Variants in TBCEL observed in about 807,000 individuals in gnomAD.
TBCEL encodes the protein tubulin-specific chaperone cofactor E-like protein.
TBCEL carries 15 observed loss-of-function variants against 44.2 expected under a neutral mutation model. That is an observed-to-expected ratio of 0.34 (90% CI 0.23 to 0.52). The LOEUF is 0.52. Among genes scored for constraint, TBCEL ranks in the 20% least tolerant of loss-of-function variants. The pLI, the probability that TBCEL is intolerant of heterozygous loss-of-function variation, is 0.95. For missense variants in TBCEL, 319 were observed against 506.3 expected, an observed-to-expected ratio of 0.63 and a Z score of 3.55; for synonymous variants, 171 against 185.4, an observed-to-expected ratio of 0.92 and a Z score of 0.63.
At chr11:121,054,310 G>A (rs1210868598) in intron 5 of TBCEL, among the ~76,000 whole-genome samples, 1 of 151,844 alleles carries the variant, frequency 6.6e-6, no homozygotes, top group Admixed American at 6.6e-5. Flanking sequence ...AATTCTCAAA[G>A]CCCTTTAGAA....
chr11:121,049,185 C>A (rs1329310696), intron 4 of TBCEL, among the ~76,000 whole-genome samples: 4 of 151,844 alleles, frequency 2.6e-5, no homozygotes, highest in Admixed American at 2.0e-4. Context: ...TTAATCAAGA[C>A]CTCTTGTTCC....
rs541095131 is a variant in TBCEL, at chr11:121,088,727, T to G, written c.*1631T>G. The G allele has an allele frequency of 5.3e-5, 8 of 152,322 alleles. No homozygotes were observed. The highest frequency in any genetic ancestry group is 1.2e-4 in the Non-Finnish European group (8 of 68,026). 9.4% of individuals were successfully genotyped at this position (152,322 alleles called of 1,614,324 possible). On this transcript the variant is annotated 3_prime_UTR_variant, in exon 9 of 9. Coordinates refer to ENST00000683345, the MANE Select transcript of TBCEL (RefSeq NM_001363644.2). ...GGAGTTGTGTTTATTAATGCTACTTTTTAAATTTTCCTGTGCCATGTGGCA... is the reference window on the plus strand; with the variant it reads ...GGAGTTGTGTTTATTAATGCTACTTGTTAAATTTTCCTGTGCCATGTGGCA...
intron 4 of TBCEL, among the ~76,000 whole-genome samples, chr11:121,053,350 T>C (rs1489982520): frequency 6.6e-6 from 1 of 151,926 alleles, no homozygotes; most frequent in African/African-American, 2.4e-5. Context: ...TATGCCACTA[T>C]TTCATTGAAA....
intron 8 of TBCEL, among the ~76,000 whole-genome samples, chr11:121,086,415 G>A (rs911137382): frequency 2.0e-5 from 3 of 152,164 alleles, no homozygotes; most frequent in African/African-American, 7.2e-5. Flanking sequence ...AGGGGTACAT[G>A]CCTAGATACC....
intron 8 of TBCEL, among the ~76,000 whole-genome samples, chr11:121,081,022 A>G (rs539589797): frequency 4.3e-4 from 66 of 151,966 alleles, no homozygotes; most frequent in African/African-American, 1.4e-3. Flanking sequence ...ATCACCTTCA[A>G]CCCCACACTG....
intron 8 of TBCEL, among the ~76,000 whole-genome samples, chr11:121,075,183 A>G (rs1327207664): frequency 6.6e-6 from 1 of 152,032 alleles, no homozygotes; most frequent in African/African-American, 2.4e-5. Context: ...AGAGATTGTG[A>G]TACTGGTCAC....
intron 8 of TBCEL, among the ~76,000 whole-genome samples, chr11:121,068,852 A>G (rs1387220991): frequency 2.0e-5 from 3 of 151,124 alleles, no homozygotes; most frequent in Non-Finnish European, 4.4e-5. Flanking sequence ...ACACCACTGC[A>G]CTGCAGCCTG....
chr11:121,069,984 GA>G (rs1945897112), intron 8 of TBCEL, among the ~76,000 whole-genome samples: 1 of 151,322 alleles, frequency 6.6e-6, no homozygotes, highest in South Asian at 2.1e-4. Flanking sequence ...TTTGTATATA[GA>G]AGAAGAAGCT....
intron 2 of TBCEL, among the ~76,000 whole-genome samples, chr11:121,040,336 A>C (rs576776797): frequency 6.6e-6 from 1 of 152,216 alleles, no homozygotes; most frequent in Non-Finnish European, 1.5e-5. Flanking sequence ...TAACTTGGCT[A>C]GCAAAGGAAA....
At chr11:121,079,905 C>G (rs1946094446) in intron 8 of TBCEL, among the ~76,000 whole-genome samples, 1 of 152,154 alleles carries the variant, frequency 6.6e-6, no homozygotes, top group African/African-American at 2.4e-5. Context: ...ACCTCCACCT[C>G]CCCGGTTCAA....
chr11:121,034,093 G>A (rs535053203), intron 1 of TBCEL, among the ~76,000 whole-genome samples: 1 of 151,990 alleles, frequency 6.6e-6, no homozygotes, highest in African/African-American at 2.4e-5. Context: ...TTTGACTCCT[G>A]CTTTTGATTC....
intron 4 of TBCEL, among the ~76,000 whole-genome samples, chr11:121,050,851 C>T (rs1945516426): frequency 6.6e-6 from 1 of 151,624 alleles, no homozygotes; most frequent in Non-Finnish European, 1.5e-5. Context: ...AGTTCATCTC[C>T]ATGTTTCTGC....
At chr11:121,058,314 G>A in intron 6 of TBCEL, 31 bp from the exon 7 acceptor site, 1 of 1,605,118 alleles carries the variant, frequency 6.2e-7, no homozygotes, top group Non-Finnish European at 8.5e-7. Context: ...TGCATCTCTG[G>A]ATTTACTTAA....
chr11:121,044,704 A>G (rs946673426), intron 2 of TBCEL, among the ~76,000 whole-genome samples: 1 of 152,064 alleles, frequency 6.6e-6, no homozygotes, highest in East Asian at 1.9e-4. Context: ...GTGTTGTTTA[A>G]TATTACCTGT....
intron 7 of TBCEL, among the ~76,000 whole-genome samples, chr11:121,059,654 C>T (rs765739477): frequency 1.3e-4 from 20 of 151,676 alleles, no homozygotes; most frequent in South Asian, 2.1e-4. Context: ...TTTAAAAATG[C>T]GGCCATTAAA....
chr11:121,068,877 G>C lies in TBCEL; in HGVS notation c.956+8792G>C, dbSNP rs188331119. 7.5e-3 allele frequency among the ~76,000 whole-genome samples: 1,097 copies of C among 146,174 alleles called. 3 individuals are homozygous for C. The highest frequency in any genetic ancestry group is 0.011 in the Admixed American group (155 of 14,658). On this transcript the variant is annotated intron_variant, in intron 8 of 8. Coordinates refer to ENST00000683345, the MANE Select transcript of TBCEL (RefSeq NM_001363644.2). ...ACTGCAGCCTGGGTGACAGAGCAAG[G>C]CTCCGTCTCAAAAAAAAAAAAAAAA...
chr11:121,081,395 T>C (rs1946122888), intron 8 of TBCEL, among the ~76,000 whole-genome samples: 1 of 152,254 alleles, frequency 6.6e-6, no homozygotes, highest in African/African-American at 2.4e-5. Flanking sequence ...TTTTCCAAAG[T>C]AGGTTTATAA....
intron 1 of TBCEL, among the ~76,000 whole-genome samples, chr11:121,031,812 A>G (rs1351020203): frequency 5.3e-5 from 8 of 151,620 alleles, no homozygotes; most frequent in African/African-American, 1.5e-4. Context: ...CTACAGGCAC[A>G]TGCCACCATG....
At chr11:121,064,638 C>T (rs1380367068) in intron 8 of TBCEL, among the ~76,000 whole-genome samples, 7 of 152,158 alleles carry the variant, frequency 4.6e-5, no homozygotes, top group African/African-American at 1.2e-4. Flanking sequence ...ATTTCAGTGT[C>T]TCCTATCTGC....
Sources: allele counts gnomAD v4.1 joint callset (sites outside exome capture counted in the v4.1 genomes callset), GRCh38; gene constraint gnomAD v4.1.1; transcripts MANE v1.5; gene names NCBI Gene and HGNC (gene_info 2026-07-23, HGNC 2026-07-21).